The following QKI variants were observed in gnomAD, a reference collection of about 807,000 sequenced individuals.
QKI encodes the protein KH domain-containing RNA-binding protein QKI.
In QKI, 10 loss-of-function variants were observed where a neutral mutation model predicts 39.0. The observed-to-expected ratio is 0.26, with a 90% CI of 0.16 to 0.43. The LOEUF is 0.43. QKI is among the 20% of genes least tolerant of loss of function. The pLI is 1.00. For synonymous variants in QKI, 204 were observed against 155.4 expected, an observed-to-expected ratio of 1.31 and a Z score of -2.33; for missense variants, 218 against 428.0, an observed-to-expected ratio of 0.51 and a Z score of 4.33.
chr6:163,539,645 A>C (rs1402132415), intron 4 of QKI, among the ~76,000 whole-genome samples: 1 of 152,208 alleles, frequency 6.6e-6, no homozygotes. Context: ...TGAATTTGGC[A>C]GAGTTAATTA....
chr6:163,492,307 A>G (rs959436193), intron 3 of QKI, among the ~76,000 whole-genome samples: 1 of 152,116 alleles, frequency 6.6e-6, no homozygotes, highest in Admixed American at 6.5e-5. Context: ...GACCACTATT[A>G]AATTATTTTG....
chr6:163,538,355 T>C (rs905357665), intron 4 of QKI, among the ~76,000 whole-genome samples: 1 of 152,124 alleles, frequency 6.6e-6, no homozygotes, highest in African/African-American at 2.4e-5. Flanking sequence ...AGAACTGGGA[T>C]TAGGGAACTG....
At chr6:163,522,035 G>C (rs986459345) in intron 3 of QKI, among the ~76,000 whole-genome samples, 12 of 152,174 alleles carry the variant, frequency 7.9e-5, no homozygotes, top group Non-Finnish European at 1.8e-4. Flanking sequence ...AACAGAGATA[G>C]GAGTTACATA....
At chr6:163,522,836 C>T (rs751713179) in intron 3 of QKI, among the ~76,000 whole-genome samples, 36 of 152,108 alleles carry the variant, frequency 2.4e-4, no homozygotes, top group Non-Finnish European at 2.9e-4. Context: ...GATGTGTGCA[C>T]GATTACATGA....
chr6:163,490,689 T>G (rs1430324932), intron 3 of QKI, among the ~76,000 whole-genome samples: 1 of 152,144 alleles, frequency 6.6e-6, no homozygotes, highest in Non-Finnish European at 1.5e-5. Context: ...TATTTCATTT[T>G]GAAAGCAGTG....
intron 3 of QKI, among the ~76,000 whole-genome samples, chr6:163,481,614 A>G (rs759223015): frequency 2.0e-5 from 3 of 152,218 alleles, no homozygotes; most frequent in Non-Finnish European, 4.4e-5. Context: ...AGTTAGTACT[A>G]TATTATTCTA....
chr6:163,513,519 A>C (rs1365458015), intron 3 of QKI, among the ~76,000 whole-genome samples: 1 of 152,222 alleles, frequency 6.6e-6, no homozygotes, highest in Non-Finnish European at 1.5e-5. Flanking sequence ...GTATACATTA[A>C]AAGAAAAATG....
intron 7 of QKI, chr6:163,570,289 A>C (rs1197945141): frequency 2.0e-6 from 2 of 984,586 alleles, no homozygotes; most frequent in African/African-American, 3.5e-5. Flanking sequence ...AGAGAATACT[A>C]ATGCTTAATA....
chr6:163,434,915 A>T (rs1200445294), intron 1 of QKI, among the ~76,000 whole-genome samples: 1 of 152,150 alleles, frequency 6.6e-6, no homozygotes. Flanking sequence ...GAAGTTTAAT[A>T]TAAAAATATA....
rs368447973 is a variant in QKI at position 163,536,010 on chromosome 6, T to C, written c.546+885T>C. On this transcript the variant is annotated intron_variant, in intron 4 of 7. Coordinates refer to ENST00000361752, the MANE Select transcript of QKI (RefSeq NM_006775.3). The stretch of plus-strand genomic sequence containing the variant: ...CATTGGCATTTACATAAATGAGTTA[T>C]GGTTCCTGCTGCTTTTTATTTCCCA... Among the ~76,000 whole-genome samples the C allele has an allele frequency of 4.3e-4, 66 of 152,328 alleles. 1 individual carries two copies. The South Asian group carries it at 0.013, about 30-fold the overall frequency.
chr6:163,528,727 C>T (rs1488262593), intron 3 of QKI, among the ~76,000 whole-genome samples: 1 of 152,094 alleles, frequency 6.6e-6, no homozygotes, highest in African/African-American at 2.4e-5. Context: ...TTGTGACTAT[C>T]TGCTCTGCCA....
Position 163,417,088 on chromosome 6 carries a change from T to G in QKI, c.142+1753T>G, listed in dbSNP as rs1473933456. Among the ~76,000 whole-genome samples the G allele has an allele frequency of 2.0e-5, 3 of 152,208 alleles. No homozygotes were observed. The East Asian group carries it at 5.8e-4, about 29-fold the overall frequency. ...AAACTTAAGTTATAGATTATTTGAT[T>G]TGTCATAATGTGTTTATATAGTGTT... On this transcript the variant is annotated intron_variant, in intron 1 of 7. Transcript: ENST00000361752.
At chr6:163,516,794 G>A (rs150412183) in intron 3 of QKI, among the ~76,000 whole-genome samples, 5 of 152,150 alleles carry the variant, frequency 3.3e-5, no homozygotes, top group East Asian at 1.9e-4. Flanking sequence ...GTGTAGAGGT[G>A]TAGGCTAGAG....
rs533605695 is a variant in QKI, at chr6:163,476,859, G to A, written c.286-1921G>A. 8.5e-5 allele frequency among the ~76,000 whole-genome samples: 13 copies of A among 152,126 alleles called. 2 individuals are homozygous for A. The South Asian group carries it at 2.5e-3, about 29-fold the overall frequency. On this transcript the variant is annotated intron_variant, in intron 2 of 7. Transcript: ENST00000361752. ...CTTGGTAGGCTATTGTGACTGTATG[G>A]CAAACTTTTTACTGGACCTTGTGTA...
At chr6:163,511,561 A>G (rs1255598801) in intron 3 of QKI, among the ~76,000 whole-genome samples, 1 of 152,028 alleles carries the variant, frequency 6.6e-6, no homozygotes, top group East Asian at 1.9e-4. Flanking sequence ...TTAAGAGAAT[A>G]TCATAAACAG....
intron 1 of QKI, among the ~76,000 whole-genome samples, chr6:163,439,757 C>T (rs1283210893): frequency 6.7e-6 from 1 of 149,404 alleles, no homozygotes; most frequent in Admixed American, 6.7e-5. Context: ...GTGAGCAATT[C>T]TCATGTCTCA....
intron 1 of QKI, among the ~76,000 whole-genome samples, chr6:163,429,484 G>A (rs1788668200): frequency 6.6e-6 from 1 of 151,932 alleles, no homozygotes; most frequent in African/African-American, 2.4e-5. Context: ...TCATGCTGTC[G>A]AGGTATATTA....
At chr6:163,477,295 G>A (rs184750348) in intron 2 of QKI, among the ~76,000 whole-genome samples, 13 of 152,248 alleles carry the variant, frequency 8.5e-5, no homozygotes, top group East Asian at 3.9e-4. Flanking sequence ...GGGATTACAG[G>A]TGTGAGCCAC....
At chr6:163,450,807 TC>T (rs1790506719) in intron 1 of QKI, among the ~76,000 whole-genome samples, 1 of 152,022 alleles carries the variant, frequency 6.6e-6, no homozygotes, top group Non-Finnish European at 1.5e-5. Context: ...AGGCAAATAC[TC>T]CCCAAAGCTG....
Sources: gnomAD v4.1 joint callset for allele counts (sites outside exome capture counted in the v4.1 genomes callset) on GRCh38, gnomAD v4.1.1 for gene constraint, MANE v1.5 for transcripts, NCBI Gene and HGNC (gene_info 2026-07-23, HGNC 2026-07-21) for gene names.